AFF2: variants seen among roughly 807,000 people sequenced by gnomAD.
The protein encoded by AFF2 is AF4/FMR2 family member 2.
AFF2 carries 14 observed loss-of-function variants against 76.9 expected under a neutral mutation model. That is an observed-to-expected ratio of 0.18 (90% CI 0.12 to 0.28). AFF2 has a LOEUF of 0.28. Ranked by LOEUF, AFF2 falls within the 10% of genes least tolerant of loss-of-function variation. The pLI, the probability that AFF2 is intolerant of heterozygous loss-of-function variation, is 1.00. For missense variants in AFF2, 868 were observed against 1,001.1 expected, an observed-to-expected ratio of 0.87 and a Z score of 1.79; for synonymous variants, 398 against 366.7, an observed-to-expected ratio of 1.09 and a Z score of -0.98.
intron 1 of AFF2, among the ~76,000 whole-genome samples, chrX:148,547,755 GCC>G (rs2052939975): frequency 9.0e-6 from 1 of 111,717 alleles, no homozygotes; most frequent in African/African-American, 3.3e-5. Flanking sequence ...CTGTCCAAAG[GCC>G]CCTGTACAAT....
intron 1 of AFF2, among the ~76,000 whole-genome samples, chrX:148,627,329 T>C (rs1256429957): frequency 8.9e-6 from 1 of 112,072 alleles, no homozygotes; most frequent in African/African-American, 3.2e-5. Context: ...AAGAAACGTT[T>C]TTCGAGGTGG....
At chrX:148,779,168 A>T (rs1377658608) in intron 3 of AFF2, among the ~76,000 whole-genome samples, 1 of 111,949 alleles carries the variant, frequency 8.9e-6, no homozygotes, top group East Asian at 2.8e-4. Context: ...TGAGTTTCTT[A>T]ATCCTGAGTT....
chrX:148,823,314 C>CTA (rs1375513664), intron 4 of AFF2, among the ~76,000 whole-genome samples: 2 of 112,043 alleles, frequency 1.8e-5, no homozygotes, highest in African/African-American at 6.5e-5. Context: ...TGACCCTTGG[C>CTA]TAGTCTCTTA....
intron 3 of AFF2, among the ~76,000 whole-genome samples, chrX:148,710,491 G>C (rs782027104): frequency 1.8e-5 from 2 of 111,175 alleles, no homozygotes; most frequent in Non-Finnish European, 3.8e-5. Flanking sequence ...TTATTCTTGT[G>C]GCAAAACATA....
At chrX:148,868,479 A>G (rs2070934785) in intron 7 of AFF2, among the ~76,000 whole-genome samples, 1 of 112,132 alleles carries the variant, frequency 8.9e-6, no homozygotes, top group African/African-American at 3.2e-5. Flanking sequence ...GACAGACTGG[A>G]GAAAGGTATG....
Position 148,500,998 on chromosome X carries a change from G to T in AFF2, c.-100G>T. Reference sequence around the variant, plus strand: ...TTTAGCTGGGCGGGAGGGCTGGAGAGCCGGGGGCCGCCGAGAACCGCCAGC... The same window carrying T: ...TTTAGCTGGGCGGGAGGGCTGGAGATCCGGGGGCCGCCGAGAACCGCCAGC... On this transcript the variant is annotated 5_prime_UTR_variant, in exon 1 of 21. Coordinates refer to ENST00000370460, the MANE Select transcript of AFF2 (RefSeq NM_002025.4). The T allele has an allele frequency of 5.8e-6, 6 of 1,029,335 alleles. No homozygotes were observed. The highest frequency in any genetic ancestry group is 7.8e-6 in the Non-Finnish European group (6 of 771,800). 84.8% of individuals were successfully genotyped at this position (1,029,335 alleles called of 1,213,427 possible). A position where few individuals can be genotyped will look rare whatever the true frequency, so the allele number is the denominator to read the frequency against.
intron 3 of AFF2, among the ~76,000 whole-genome samples, chrX:148,757,057 G>A (rs1439358488): frequency 8.9e-6 from 1 of 112,367 alleles, no homozygotes; most frequent in African/African-American, 3.2e-5. Context: ...TTTAGAAAAT[G>A]TTCAGTTCTG....
chrX:148,739,411 C>A (rs1481644747), intron 3 of AFF2, among the ~76,000 whole-genome samples: 1 of 111,724 alleles, frequency 9.0e-6, no homozygotes, highest in Non-Finnish European at 1.9e-5. Context: ...TTTAAAATTT[C>A]TTTTGTCTGA....
chrX:148,930,396 C>T (rs2071698659), intron 9 of AFF2, among the ~76,000 whole-genome samples: 1 of 112,002 alleles, frequency 8.9e-6, no homozygotes, highest in South Asian at 3.7e-4. Context: ...GTGCAGGACA[C>T]TTGCCATTTC....
intron 1 of AFF2, among the ~76,000 whole-genome samples, chrX:148,502,185 G>A (rs1557231968): frequency 8.9e-6 from 1 of 112,219 alleles, no homozygotes; most frequent in African/African-American, 3.2e-5. Flanking sequence ...AGTGGTAACC[G>A]CTTAAAATTG....
At chrX:148,738,013 G>T (rs192792872) in intron 3 of AFF2, among the ~76,000 whole-genome samples, 2 of 111,038 alleles carry the variant, frequency 1.8e-5, no homozygotes, top group African/African-American at 3.3e-5. Flanking sequence ...TGTCGGATTC[G>T]GTTAGCTAGT....
intron 1 of AFF2, among the ~76,000 whole-genome samples, chrX:148,551,051 AG>A (rs1263368471): frequency 9.1e-6 from 1 of 109,422 alleles, no homozygotes; most frequent in Non-Finnish European, 1.9e-5. Context: ...GTCTCTTGGG[AG>A]GGGGAAAAAT....
chrX:148,887,879 A>G (rs1004050805), intron 8 of AFF2, among the ~76,000 whole-genome samples: 1 of 112,188 alleles, frequency 8.9e-6, no homozygotes, highest in East Asian at 2.8e-4. Flanking sequence ...GAGTTTGAAG[A>G]TGAGTTACAA....
At chrX:148,768,564 A>C (rs957208944) in intron 3 of AFF2, among the ~76,000 whole-genome samples, 7 of 110,814 alleles carry the variant, frequency 6.3e-5, no homozygotes, top group Non-Finnish European at 9.5e-5. Context: ...ACACACACAC[A>C]CCCATAAACA....
intron 3 of AFF2, among the ~76,000 whole-genome samples, chrX:148,797,981 C>G (rs1460115710): frequency 8.9e-6 from 1 of 112,313 alleles, no homozygotes; most frequent in African/African-American, 3.2e-5. Flanking sequence ...CTTAGTCTGT[C>G]TTGTGCTTCT....
At chrX:148,504,031 A>G (rs782243535) in intron 1 of AFF2, among the ~76,000 whole-genome samples, 7 of 111,925 alleles carry the variant, frequency 6.3e-5, no homozygotes, top group Admixed American at 2.8e-4. Context: ...AAAAAGATAA[A>G]TTAAAAAAAA....
rs185879646 is a variant in AFF2 at position 148,713,970 on chromosome X, T to C, written c.1041+51202T>C. 9.8e-5 allele frequency among the ~76,000 whole-genome samples: 11 copies of C among 111,933 alleles called. No homozygotes were observed. In the East Asian group the frequency reaches 3.1e-3, roughly 32 times the overall value. ...GTGAATCTTTCAATGACCAGATGCA[T>C]AGAAGCATGTTTTAAATGACTGCAA... On this transcript the variant is annotated intron_variant, in intron 3 of 20. Coordinates refer to ENST00000370460, the MANE Select transcript of AFF2 (RefSeq NM_002025.4).
chrX:148,588,858 A>G (rs2053495063), intron 1 of AFF2, among the ~76,000 whole-genome samples: 1 of 111,744 alleles, frequency 8.9e-6, no homozygotes, highest in Non-Finnish European at 1.9e-5. Context: ...TAGAACCGCA[A>G]AAACATACTC....
At chrX:148,738,250 AC>A (rs1259762378) in intron 3 of AFF2, among the ~76,000 whole-genome samples, 2 of 110,413 alleles carry the variant, frequency 1.8e-5, no homozygotes, top group Non-Finnish European at 3.8e-5. Context: ...CTGGTCCTGG[AC>A]TTTTTTTTTG....
Sources: allele counts gnomAD v4.1 joint callset (sites outside exome capture counted in the v4.1 genomes callset), GRCh38; gene constraint gnomAD v4.1.1; transcripts MANE v1.5; gene names NCBI Gene and HGNC (gene_info 2026-07-23, HGNC 2026-07-21).